Variants in TNIK observed in about 807,000 individuals in gnomAD.
TNIK encodes the protein TRAF2 and NCK interacting kinase.
Under a neutral mutation model 191.3 loss-of-function variants are expected in TNIK, and 49 were observed. The observed-to-expected ratio is 0.26, with a 90% CI of 0.20 to 0.32. The LOEUF is 0.32. Ranked by LOEUF, TNIK falls within the 10% of genes least tolerant of loss-of-function variation. The pLI is 1.00. For missense variants in TNIK, 1,155 were observed against 1,702.3 expected, an observed-to-expected ratio of 0.68 and a Z score of 5.66; for synonymous variants, 594 against 600.9, an observed-to-expected ratio of 0.99 and a Z score of 0.17.
At position 171,383,830 on chromosome 3, in the gene TNIK, A is replaced by T. The variant is rs370300819; in HGVS notation, c.58-14145T>A. 1.4e-4 allele frequency among the ~76,000 whole-genome samples: 21 copies of T among 152,256 alleles called. No homozygotes were observed. The East Asian group carries it at 3.7e-3, about 27-fold the overall frequency. On this transcript the variant is annotated intron_variant, in intron 1 of 32. Coordinates refer to ENST00000436636, the MANE Select transcript of TNIK (RefSeq NM_015028.4). ...CAACATGGGCAACAGATGACTAAAAACTAGATTACATTCAATCAACCAGTG... is the reference window on the plus strand; with the variant it reads ...CAACATGGGCAACAGATGACTAAAATCTAGATTACATTCAATCAACCAGTG...
intron 7 of TNIK, among the ~76,000 whole-genome samples, chr3:171,188,170 A>C (rs1737600717): frequency 6.6e-6 from 1 of 152,216 alleles, no homozygotes; most frequent in African/African-American, 2.4e-5. Flanking sequence ...CACAAATCAA[A>C]TTTCTATGAA....
intron 2 of TNIK, among the ~76,000 whole-genome samples, chr3:171,268,587 G>T: frequency 6.6e-6 from 1 of 151,906 alleles, no homozygotes. Context: ...TCCAGCTCTG[G>T]TTTTCTTTGA....
chr3:171,321,995 A>C (rs1755211261), intron 2 of TNIK, among the ~76,000 whole-genome samples: 1 of 152,204 alleles, frequency 6.6e-6, no homozygotes, highest in African/African-American at 2.4e-5. Context: ...TGTTTTAGTC[A>C]GAAATGTATT....
At position 171,059,071 on chromosome 3, in the gene TNIK, C is replaced by T. The variant is rs1717610141; in HGVS notation, c.*4810G>A. Among the ~76,000 whole-genome samples, 1 of 152,164 alleles carries T rather than the reference C, an allele frequency of 6.6e-6. No individual in the cohort carries two copies. Among genetic ancestry groups the T allele is most frequent in the South Asian group, 2.1e-4 (1 of 4,828 alleles). On this transcript the variant is annotated 3_prime_UTR_variant, in exon 33 of 33. Coordinates refer to ENST00000436636, the MANE Select transcript of TNIK (RefSeq NM_015028.4). ...CAGAAATGAAAACTCACCTTTCCAC[C>T]AGCATTTGCTCAGCCTCAATAGTGC...
Position 171,326,651 on chromosome 3 carries a change from A to G in TNIK, c.123+42969T>C, listed in dbSNP as rs1460883810. On this transcript the variant is annotated intron_variant, in intron 2 of 32. Transcript: ENST00000436636. ...CATAGATTGCTGCACCAGAATTTCT[A>G]AATCTGTAGGTCTGGGATACAGCCT... Among the ~76,000 whole-genome samples the G allele has an allele frequency of 2.0e-5, 3 of 152,232 alleles. No homozygotes were observed. In the East Asian group the frequency reaches 5.8e-4, roughly 29 times the overall value.
rs563049325 is a variant in TNIK at position 171,410,734 on chromosome 3, G to A, written c.58-41049C>T. Among the ~76,000 whole-genome samples, 20 of 135,498 alleles carry A rather than the reference G, an allele frequency of 1.5e-4. No homozygotes were observed. In the South Asian group the frequency reaches 2.9e-3, roughly 20 times the overall value. The allele number at this position is 135,498 out of a possible 152,430, so 88.9% of individuals were successfully genotyped here. A position where few individuals can be genotyped will look rare whatever the true frequency, so the allele number is the denominator to read the frequency against. On this transcript the variant is annotated intron_variant, in intron 1 of 32. Transcript: ENST00000436636. ...GTGGAGCTTGCAGTGAGTCGAGATCGCGCCACTGCACTCCAGCCTGGGCGA... is the reference window on the plus strand; with the variant it reads ...GTGGAGCTTGCAGTGAGTCGAGATCACGCCACTGCACTCCAGCCTGGGCGA...
chr3:171,338,352 G>A (rs542257193), intron 2 of TNIK, among the ~76,000 whole-genome samples: 26 of 152,188 alleles, frequency 1.7e-4, no homozygotes, highest in Non-Finnish European at 2.6e-4. Context: ...GGTTCATGAC[G>A]TTAAGAAAGC....
intron 1 of TNIK, among the ~76,000 whole-genome samples, chr3:171,426,803 A>T (rs1014672879): frequency 3.3e-5 from 5 of 152,124 alleles, no homozygotes; most frequent in African/African-American, 1.2e-4. Context: ...AGCCTTAGGC[A>T]AAGGTGACAG....
chr3:171,288,740 G>A (rs1418509901), intron 2 of TNIK, among the ~76,000 whole-genome samples: 2 of 150,740 alleles, frequency 1.3e-5, no homozygotes, highest in African/African-American at 4.9e-5. Context: ...CGTGGGAGGT[G>A]GAGGTTGCAG....
At chr3:171,455,339 G>A (rs1043812315) in intron 1 of TNIK, among the ~76,000 whole-genome samples, 1 of 151,552 alleles carries the variant, frequency 6.6e-6, no homozygotes, top group African/African-American at 2.4e-5. Context: ...GACTTCTCAG[G>A]CTCAAACTAT....
rs147396384 is a variant in TNIK at position 171,295,243 on chromosome 3, T to C, written c.124-67022A>G. Among the ~76,000 whole-genome samples, 639 of 152,298 alleles carry C rather than the reference T, an allele frequency of 4.2e-3. 3 individuals carry two copies. The highest frequency in any genetic ancestry group is 5.1e-3 in the Non-Finnish European group (349 of 68,030). On this transcript the variant is annotated intron_variant, in intron 2 of 32. Transcript: ENST00000436636. The stretch of plus-strand genomic sequence containing the variant: ...AACTGCCCTAAGATTTGGGGAACTA[T>C]GCACTAGGTTATGTTTCTTCAAAGC...
intron 1 of TNIK, among the ~76,000 whole-genome samples, chr3:171,381,752 G>T (rs1718057216): frequency 6.6e-6 from 1 of 152,216 alleles, no homozygotes; most frequent in South Asian, 2.1e-4. Context: ...GGGGCATTCA[G>T]AAGGGCTGCC....
At chr3:171,079,371 A>G in intron 28 of TNIK, 147 bp downstream of exon 28, 2 of 957,834 alleles carry the variant, frequency 2.1e-6, no homozygotes, top group Non-Finnish European at 2.9e-6. Context: ...CTTTTAAAAA[A>G]TATAAATAAT....
chr3:171,280,730 TAA>T (rs1750333507), intron 2 of TNIK, among the ~76,000 whole-genome samples: 1 of 152,086 alleles, frequency 6.6e-6, no homozygotes, highest in African/African-American at 2.4e-5. Context: ...TCCATCACTT[TAA>T]AAGACAATGT....
intron 2 of TNIK, among the ~76,000 whole-genome samples, chr3:171,296,818 C>T (rs1041807440): frequency 1.3e-5 from 2 of 152,270 alleles, no homozygotes; most frequent in Non-Finnish European, 2.9e-5. Flanking sequence ...AGTAATTCCC[C>T]AAGGCTTTCC....
In TNIK at chr3:171,060,780, TTGAC is replaced by T. The variant is rs1048058956; in HGVS notation, c.*3097_*3100del. Among the ~76,000 whole-genome samples the T allele has an allele frequency of 3.3e-5, 5 of 152,006 alleles. No individual in the cohort carries two copies. The highest frequency in any genetic ancestry group is 1.3e-4 in the Admixed American group (2 of 15,264). On this transcript the variant is annotated 3_prime_UTR_variant, in exon 33 of 33. Transcript: ENST00000436636. The stretch of plus-strand genomic sequence containing the variant: ...TGCAGGAATCCATGCTACAGTATCT[TTGAC>T]TGGCACCCAGGAATGATGGTCACCT...
At chr3:171,326,241 A>G (rs1755734379) in intron 2 of TNIK, among the ~76,000 whole-genome samples, 1 of 152,220 alleles carries the variant, frequency 6.6e-6, no homozygotes, top group Non-Finnish European at 1.5e-5. Flanking sequence ...AAATGTTTTT[A>G]AAATTTGTTA....
chr3:171,185,868 T>A (rs1323749376), intron 7 of TNIK, among the ~76,000 whole-genome samples: 4 of 152,214 alleles, frequency 2.6e-5, no homozygotes, highest in Non-Finnish European at 5.9e-5. Context: ...ACTTTTGTGG[T>A]AAGAAATCTA....
intron 2 of TNIK, among the ~76,000 whole-genome samples, chr3:171,287,335 A>C (rs1316471366): frequency 6.6e-6 from 1 of 152,246 alleles, no homozygotes; most frequent in African/African-American, 2.4e-5. Context: ...CAATATATCT[A>C]AAATGTGGAC....
Sources: gnomAD v4.1 joint callset for allele counts (sites outside exome capture counted in the v4.1 genomes callset) on GRCh38, gnomAD v4.1.1 for gene constraint, MANE v1.5 for transcripts, NCBI Gene and HGNC (gene_info 2026-07-23, HGNC 2026-07-21) for gene names.